The following TFAP2D variants were observed in gnomAD, a reference collection of about 807,000 sequenced individuals.
TFAP2D encodes the protein transcription factor AP-2 delta, also known as transcription factor AP-2-delta.
Under a neutral mutation model 43.6 loss-of-function variants are expected in TFAP2D, and 9 were observed. That is an observed-to-expected ratio of 0.21 (90% CI 0.12 to 0.36). TFAP2D has a LOEUF of 0.36. Among genes scored for constraint, TFAP2D ranks in the 10% least tolerant of loss-of-function variants. The probability of loss-of-function intolerance (pLI) is 1.00; values close to 1 mark genes in which losing one functional copy is unlikely to be tolerated. For missense variants in TFAP2D, 513 were observed against 561.4 expected, an observed-to-expected ratio of 0.91 and a Z score of 0.87; for synonymous variants, 256 against 224.9, an observed-to-expected ratio of 1.14 and a Z score of -1.24.
intron 7 of TFAP2D, among the ~76,000 whole-genome samples, chr6:50,761,304 T>C (rs1216972134): frequency 6.6e-6 from 1 of 151,926 alleles, no homozygotes; most frequent in Non-Finnish European, 1.5e-5. Flanking sequence ...AAAATGAAAT[T>C]AGCTTTTAGT....
chr6:50,736,869 T>C (rs1020228363), intron 5 of TFAP2D, among the ~76,000 whole-genome samples: 2 of 152,234 alleles, frequency 1.3e-5, no homozygotes, highest in Admixed American at 1.3e-4. Flanking sequence ...TGATGCTCAC[T>C]AAAAATAACG....
intron 5 of TFAP2D, among the ~76,000 whole-genome samples, chr6:50,740,518 C>T (rs1297495512): frequency 6.6e-6 from 1 of 152,110 alleles, no homozygotes; most frequent in Non-Finnish European, 1.5e-5. Flanking sequence ...ACTGCAACTT[C>T]CGCCTCCCGA....
rs1561938607 is a variant in TFAP2D, at chr6:50,750,266, G to A, written c.1026-945G>A. On this transcript the variant is annotated intron_variant, in intron 6 of 7. Transcript: ENST00000008391. ...GTTTACATTGATAATCAAAGTCAGG[G>A]CTACATTATTACATTTTTGCGACTG... Among the ~76,000 whole-genome samples, 7 of 151,878 alleles carry A rather than the reference G, an allele frequency of 4.6e-5. No individual in the cohort carries two copies. In the South Asian group the frequency reaches 8.3e-4, roughly 18 times the overall value.
chr6:50,721,601 A>G (rs1418950433), intron 3 of TFAP2D, among the ~76,000 whole-genome samples: 1 of 152,214 alleles, frequency 6.6e-6, no homozygotes, highest in Non-Finnish European at 1.5e-5. Flanking sequence ...CAGGACCCCT[A>G]ATATCAACAG....
rs190326374 is a variant in TFAP2D at position 50,744,194 on chromosome 6, C to T, written c.884-913C>T. Among the ~76,000 whole-genome samples the T allele has an allele frequency of 1.6e-3, 248 of 152,276 alleles. 1 individual carries two copies. The highest frequency in any genetic ancestry group is 5.8e-3 in the African/African-American group (239 of 41,560). On this transcript the variant is annotated intron_variant, in intron 5 of 7. Transcript: ENST00000008391. ...GATATTTTTTCTGATTCTCTCCACC[C>T]TCCTACTTTTTACCCTCAAGTAGGT... is the stretch of plus-strand genomic sequence containing the variant.
At chr6:50,718,505 T>C (rs1453131494) in intron 2 of TFAP2D, among the ~76,000 whole-genome samples, 1 of 152,212 alleles carries the variant, frequency 6.6e-6, no homozygotes, top group Admixed American at 6.5e-5. Context: ...TTTCCATCTT[T>C]CCAGCTCTAG....
At chr6:50,715,784 T>TGTGTG (rs1768616700) in intron 2 of TFAP2D, among the ~76,000 whole-genome samples, 171 bp downstream of exon 2, 2 of 139,918 alleles carry the variant, frequency 1.4e-5, no homozygotes, top group Admixed American at 7.0e-5. Context: ...CACACACCAC[T>TGTGTG]TATGGAAAGT....
intron 3 of TFAP2D, among the ~76,000 whole-genome samples, chr6:50,721,690 G>A (rs1021621871): frequency 7.9e-5 from 12 of 152,138 alleles, no homozygotes; most frequent in Non-Finnish European, 1.6e-4. Context: ...CATATAACCC[G>A]ATACTGTCTA....
At chr6:50,719,439 AAGAC>A (rs1326220595) in intron 3 of TFAP2D, among the ~76,000 whole-genome samples, 1 of 143,198 alleles carries the variant, frequency 7.0e-6, no homozygotes, top group Non-Finnish European at 1.5e-5. Flanking sequence ...ACAAAAGAAA[AAGAC>A]AGAGAGAAAG....
intron 7 of TFAP2D, among the ~76,000 whole-genome samples, chr6:50,759,247 A>G (rs1769330966): frequency 6.6e-6 from 1 of 151,992 alleles, no homozygotes; most frequent in African/African-American, 2.4e-5. Flanking sequence ...ACAATATGGC[A>G]TGGTGGGAAG....
At position 50,717,792 on chromosome 6, in the gene TFAP2D, A is replaced by G. The variant is rs552978640; in HGVS notation, c.538-1298A>G. Among the ~76,000 whole-genome samples, 7 of 152,380 alleles carry G rather than the reference A, an allele frequency of 4.6e-5. No homozygotes were observed. The South Asian group carries it at 1.0e-3, about 23-fold the overall frequency. ...TTGCTCCAAGTTGGCAGAATGAAAA[A>G]GAAAGAGTCATAGCTACTTTTAAAA... On this transcript the variant is annotated intron_variant, in intron 2 of 7. Coordinates refer to ENST00000008391, the MANE Select transcript of TFAP2D (RefSeq NM_172238.4).
intron 3 of TFAP2D, among the ~76,000 whole-genome samples, chr6:50,720,826 G>C (rs755359870): frequency 6.6e-6 from 1 of 152,234 alleles, no homozygotes; most frequent in Non-Finnish European, 1.5e-5. Flanking sequence ...AATTAGGGAC[G>C]GGAGCCCGCT....
intron 7 of TFAP2D, among the ~76,000 whole-genome samples, chr6:50,759,366 A>C (rs1181413155): frequency 2.6e-5 from 4 of 152,016 alleles, no homozygotes; most frequent in Non-Finnish European, 5.9e-5. Context: ...CATGTTCATG[A>C]GTCAATGCAG....
chr6:50,767,920 A>G (rs1488767357), intron 7 of TFAP2D, among the ~76,000 whole-genome samples: 1 of 152,196 alleles, frequency 6.6e-6, no homozygotes, highest in Non-Finnish European at 1.5e-5. Flanking sequence ...ATCTAACACA[A>G]TGCAAGTTGT....
chr6:50,750,586 C>T (rs771135063), intron 6 of TFAP2D, among the ~76,000 whole-genome samples: 1 of 151,824 alleles, frequency 6.6e-6, no homozygotes, highest in African/African-American at 2.4e-5. Context: ...AAAACCATAA[C>T]CATTTAAAGC....
intron 7 of TFAP2D, among the ~76,000 whole-genome samples, chr6:50,765,111 A>C (rs1169559605): frequency 6.6e-6 from 1 of 152,192 alleles, no homozygotes; most frequent in Non-Finnish European, 1.5e-5. Flanking sequence ...AGCCTCTGAC[A>C]ACCACCCTCT....
intron 3 of TFAP2D, among the ~76,000 whole-genome samples, chr6:50,726,145 T>C (rs1768804320): frequency 6.6e-6 from 1 of 152,142 alleles, no homozygotes; most frequent in South Asian, 2.1e-4. Context: ...AGTTAGCACG[T>C]GGGTAGATAG....
chr6:50,771,835 G>A (rs955279843), intron 7 of TFAP2D, among the ~76,000 whole-genome samples: 3 of 152,128 alleles, frequency 2.0e-5, no homozygotes, highest in Admixed American at 1.3e-4. Context: ...TCAGTGTGGC[G>A]ATTCCTCAGG....
At chr6:50,741,856 A>G (rs1769051290) in intron 5 of TFAP2D, among the ~76,000 whole-genome samples, 1 of 151,898 alleles carries the variant, frequency 6.6e-6, no homozygotes. Context: ...TTGGAAATCA[A>G]ACGGAAAACA....
Sources: allele counts gnomAD v4.1 joint callset (sites outside exome capture counted in the v4.1 genomes callset), GRCh38; gene constraint gnomAD v4.1.1; transcripts MANE v1.5; gene names NCBI Gene and HGNC (gene_info 2026-07-23, HGNC 2026-07-21).